The following NDRG4 variants were observed in gnomAD, a reference collection of about 807,000 sequenced individuals.
NDRG4 encodes NDRG family member 4.
A neutral mutation model predicts 55.8 loss-of-function variants in NDRG4; 38 were observed. That is an observed-to-expected ratio of 0.68 (90% confidence interval 0.53 to 0.89). The LOEUF is 0.89. NDRG4 is among the 40% of genes least tolerant of loss of function. NDRG4 has a pLI of 0.00. For synonymous variants in NDRG4, 190 were observed against 182.7 expected (o/e 1.04, Z -0.32); for missense variants, 455 against 468.6 (o/e 0.97, Z 0.27).
At chr16:58,492,512 GTGTGTGTGT>G (rs2035901510) in intron 2 of NDRG4, among the ~76,000 whole-genome samples, 4 of 93,402 alleles carry the variant, frequency 4.3e-5, no homozygotes, top group Non-Finnish European at 1.1e-4. Context: ...GTGTGTGTGT[GTGTGTGTGT>G]GTGTGTGTGT....
chr16:58,511,445 C>G lies in NDRG4; in HGVS notation c.928C>G (p.Leu310Val). The G allele has an allele frequency of 6.2e-7, 1 of 1,609,814 alleles. No homozygotes were observed. The highest frequency in any genetic ancestry group is 8.5e-7 in the Non-Finnish European group (1 of 1,177,786). The part of the protein sequence containing the change: ...GAVPSASMTR[L>V]ARSRTASLTS... ...AGTGCCCTCAGCCAGCATGACCCGC[C>G]TGGCACGCTCCCGCACTGCATCCCT... Residue 310 changes from leucine to valine, a missense_variant, in exon 15 of 15, where the codon CTG becomes GTG. Physicochemically the swap from Leu to Val is conservative, Grantham distance 32. Coordinates refer to ENST00000570248, the MANE Select transcript of NDRG4 (RefSeq NM_001242835.2).
chr16:58,510,876 A>C, intron 14 of NDRG4, 193 bp downstream of exon 14: 1 of 622,500 alleles, frequency 1.6e-6, no homozygotes. Context: ...TGGGTTGCAG[A>C]GCAGTCTTGC....
At chr16:58,501,141 C>A in intron 1 of NDRG4, 2 of 1,104,604 alleles carry the variant, frequency 1.8e-6, no homozygotes, top group African/African-American at 3.2e-5. Context: ...CACCCCCGGG[C>A]CCCACACGCC....
chr16:58,476,276 C>G (rs1328221144), intron 1 of NDRG4, among the ~76,000 whole-genome samples: 1 of 152,206 alleles, frequency 6.6e-6, no homozygotes, highest in Non-Finnish European at 1.5e-5. Context: ...TTAGCAGTCT[C>G]TGCTGCAGTA....
chr16:58,475,981 G>A (rs2033567154), intron 1 of NDRG4, among the ~76,000 whole-genome samples: 1 of 152,198 alleles, frequency 6.6e-6, no homozygotes, highest in Non-Finnish European at 1.5e-5. Context: ...ATTTTTAACA[G>A]AGATGGGGTT....
At chr16:58,502,459 G>A (rs1054503670) in intron 1 of NDRG4, among the ~76,000 whole-genome samples, 6 of 152,184 alleles carry the variant, frequency 3.9e-5, no homozygotes, top group African/African-American at 1.4e-4. Context: ...GTTCTCCAGG[G>A]TAGAGCCTTT....
At chr16:58,465,847 G>A (rs1472093783) in intron 1 of NDRG4, among the ~76,000 whole-genome samples, 1 of 152,178 alleles carries the variant, frequency 6.6e-6, no homozygotes, top group African/African-American at 2.4e-5. Context: ...AAGTTCCAGC[G>A]CTGAGCCCAG....
chr16:58,479,864 G>C (rs1246216077), intron 1 of NDRG4, among the ~76,000 whole-genome samples: 1 of 152,206 alleles, frequency 6.6e-6, no homozygotes, highest in African/African-American at 2.4e-5. Context: ...CAGAGCAGAT[G>C]CTTTTCCTGT....
rs2038950073 is a variant in NDRG4, at chr16:58,512,935, T to C, written c.*1359T>C. ...TGTTCTGAGGCTGAGAGGACACCTA[T>C]ATGCGTATTTCCTCTACACACATCA... On this transcript the variant is annotated 3_prime_UTR_variant, in exon 15 of 15. Transcript: ENST00000570248. 1 of 152,600 alleles carries C rather than the reference T, an allele frequency of 6.6e-6. No individual in the cohort carries two copies. Among genetic ancestry groups the C allele is most frequent in the African/African-American group, 2.4e-5 (1 of 41,416 alleles). 9.5% of individuals were successfully genotyped at this position (152,600 alleles called of 1,614,324 possible). A position where few individuals can be genotyped will look rare whatever the true frequency, so the allele number is the denominator to read the frequency against.
rs1327352275 is a variant in NDRG4 at position 58,506,820 on chromosome 16, G to A, written c.517-92G>A. ...CCCCTGCCTGCTGAGTGGGGCAAGG[G>A]CCACTCTGGCAGTGACATCTGCCAG... On this transcript the variant is annotated intron_variant, in intron 7 of 14. Coordinates refer to ENST00000570248, the MANE Select transcript of NDRG4 (RefSeq NM_001242835.2). 3.0e-6 allele frequency: 4 copies of A among 1,321,598 alleles called. No individual in the cohort carries two copies. In the African/African-American group the frequency reaches 4.4e-5, roughly 14 times the overall value. The allele number at this position is 1,321,598 out of a possible 1,614,324, so 81.9% of individuals were successfully genotyped here.
intron 1 of NDRG4, among the ~76,000 whole-genome samples, chr16:58,486,714 C>T (rs1365984628): frequency 7.7e-6 from 1 of 129,404 alleles, no homozygotes; most frequent in Non-Finnish European, 1.7e-5. Flanking sequence ...CACACACACA[C>T]ACACACACAC....
intron 1 of NDRG4, among the ~76,000 whole-genome samples, chr16:58,474,738 T>C (rs1184915459): frequency 6.6e-6 from 1 of 152,200 alleles, no homozygotes; most frequent in Admixed American, 6.5e-5. Context: ...ATCTGGTGAA[T>C]GAATAAATGA....
intron 2 of NDRG4, among the ~76,000 whole-genome samples, chr16:58,490,533 C>T (rs1028778447): frequency 3.3e-5 from 5 of 152,196 alleles, no homozygotes; most frequent in African/African-American, 7.2e-5. Flanking sequence ...CTACCCATCA[C>T]GAGGACCAGA....
At chr16:58,473,453 C>G (rs755363131) in intron 1 of NDRG4, among the ~76,000 whole-genome samples, 3 of 152,200 alleles carry the variant, frequency 2.0e-5, no homozygotes, top group Non-Finnish European at 4.4e-5. Flanking sequence ...CCTGAGCCAC[C>G]GTGCTAACCT....
intron 1 of NDRG4, chr16:58,501,071 G>T: frequency 1.6e-6 from 2 of 1,235,920 alleles, no homozygotes; most frequent in Non-Finnish European, 1.0e-6. Flanking sequence ...TCTCGCCGGG[G>T]CATCAGGTAC....
At position 58,464,469 on chromosome 16, in the gene NDRG4, T is replaced by C; in HGVS notation, c.-24+672T>C. ...GACACCGGCTGGAGCTGCTCACAGG[T>C]ACCGCCCGCCTGCCCCGCAGCCGGC... On this transcript the variant is annotated intron_variant, in intron 1 of 15. Coordinates refer to the NDRG4 transcript ENST00000258187. This position sits in a 1 kb window ranked among gnomAD's most constrained non-coding sequence, Gnocchi z 4.8. The C allele has an allele frequency of 7.5e-7, 1 of 1,325,006 alleles. No individual in the cohort carries two copies. The highest frequency in any genetic ancestry group is 9.6e-7 in the Non-Finnish European group (1 of 1,036,932). 82.1% of individuals were successfully genotyped at this position (1,325,006 alleles called of 1,614,324 possible). A position where few individuals can be genotyped will look rare whatever the true frequency, so the allele number is the denominator to read the frequency against.
chr16:58,482,939 G>A (rs375900090), intron 1 of NDRG4, among the ~76,000 whole-genome samples: 31 of 152,052 alleles, frequency 2.0e-4, no homozygotes, highest in Non-Finnish European at 3.4e-4. Flanking sequence ...CCGCCATCAC[G>A]TGAGCTCAGC....
chr16:58,504,460 T>C, intron 4 of NDRG4, 39 bp downstream of exon 4: 1 of 1,611,252 alleles, frequency 6.2e-7, no homozygotes, highest in Non-Finnish European at 8.5e-7. Flanking sequence ...GGCCCAGGGG[T>C]GCCTACCCCA....
chr16:58,471,615 C>G (rs1474454652), intron 1 of NDRG4, among the ~76,000 whole-genome samples: 1 of 152,216 alleles, frequency 6.6e-6, no homozygotes, highest in Non-Finnish European at 1.5e-5. Context: ...ACACCACCCC[C>G]TCCCTGCCTC....
Sources: gnomAD v4.1 joint callset for allele counts (sites outside exome capture counted in the v4.1 genomes callset) on GRCh38, gnomAD v4.1.1 for gene constraint, Gnocchi (gnomAD v3.1) non-coding constraint, MANE v1.5 for transcripts, NCBI Gene and HGNC (gene_info 2026-07-23, HGNC 2026-07-21) for gene names.